Variants in ADGRV1 observed in about 807,000 individuals in gnomAD.
ADGRV1 encodes the protein G-protein coupled receptor 98.
Under a neutral mutation model 596.2 loss-of-function variants are expected in ADGRV1, and 359 were observed. That is an observed-to-expected ratio of 0.60 (90% CI 0.55 to 0.66). The LOEUF (loss-of-function observed/expected upper bound fraction) is 0.66, where lower values mean the gene tolerates loss of function less well. Ranked by LOEUF, ADGRV1 falls within the 30% of genes least tolerant of loss-of-function variation. The pLI, the probability that ADGRV1 is intolerant of heterozygous loss-of-function variation, is 0.00. For missense variants in ADGRV1, 7,274 were observed against 7,575.6 expected (o/e 0.96, Z 1.48); for synonymous variants, 2,681 against 2,679.2 (o/e 1.00, Z -0.02).
chr5:90,618,544 A>G (rs1763655946), intron 3 of ADGRV1, among the ~76,000 whole-genome samples: 1 of 152,126 alleles, frequency 6.6e-6, no homozygotes, highest in Non-Finnish European at 1.5e-5. Flanking sequence ...TGAAACAGTT[A>G]TGTTTTGCTC....
intron 19 of ADGRV1, among the ~76,000 whole-genome samples, 192 bp downstream of exon 19, chr5:90,652,755 T>C (rs1049783633): frequency 2.0e-5 from 3 of 152,138 alleles, no homozygotes; most frequent in Non-Finnish European, 4.4e-5. Context: ...TTTTTTGATA[T>C]CTTAGTTTGG....
At chr5:90,828,565 T>G (rs1177737571) in intron 76 of ADGRV1, among the ~76,000 whole-genome samples, 2 of 152,150 alleles carry the variant, frequency 1.3e-5, no homozygotes, top group Non-Finnish European at 2.9e-5. Flanking sequence ...TTTCACTTAC[T>G]GTCATATTTT....
chr5:90,739,824 T>G (rs1176579023), intron 50 of ADGRV1, among the ~76,000 whole-genome samples: 1 of 152,178 alleles, frequency 6.6e-6, no homozygotes, highest in Non-Finnish European at 1.5e-5. Flanking sequence ...TAGATATGCA[T>G]GGACATGGGC....
At chr5:90,836,265 A>G (rs868086374) in intron 77 of ADGRV1, among the ~76,000 whole-genome samples, 1 of 152,350 alleles carries the variant, frequency 6.6e-6, no homozygotes, top group Middle Eastern at 3.4e-3. Context: ...TTATGTTCAC[A>G]CAAAAACTTG....
At position 90,687,208 on chromosome 5, in the gene ADGRV1, T is replaced by G. The variant is rs978924445; in HGVS notation, c.6490+1213T>G. ...TTACTTTTGCTGTGCAGAAGCTCTT[T>G]AGTTTAATTAGATCCCATTTGTCAA... On this transcript the variant is annotated intron_variant, in intron 29 of 89. Transcript: ENST00000405460. Among the ~76,000 whole-genome samples, 6 of 152,204 alleles carry G rather than the reference T, an allele frequency of 3.9e-5. No individual in the cohort carries two copies. In the South Asian group the frequency reaches 6.2e-4, roughly 16 times the overall value.
chr5:91,077,329 C>G (rs1224080314), intron 86 of ADGRV1, among the ~76,000 whole-genome samples: 1 of 152,154 alleles, frequency 6.6e-6, no homozygotes, highest in Non-Finnish European at 1.5e-5. Context: ...TAGAACTGAG[C>G]TCCAAGCTAA....
rs756062421 is a variant in ADGRV1 at position 90,681,327 on chromosome 5, T to C, written c.5537T>C (p.Val1846Ala). The C allele has an allele frequency of 2.7e-5, 43 of 1,613,672 alleles. No individual in the cohort carries two copies. The highest frequency in any genetic ancestry group is 2.0e-4 in the Admixed American group (12 of 59,984). The change falls in exon 27 of 90, where the codon GTG becomes GCG. Residue 1846 changes from valine to alanine, a missense_variant. Physicochemically the swap from Val to Ala is moderately conservative, Grantham distance 64. This residue lies in a region of ADGRV1 where 3,643 missense variants were observed against 3,809.2 expected (regional missense o/e 0.96). Coordinates refer to ENST00000405460, the MANE Select transcript of ADGRV1 (RefSeq NM_032119.4). ...PTIHKRASLG[V>A]ASQILVTIAA... ...CTTGTTCATGCAGCCAGTCTAGGAG[T>C]GGCTTCCCAAATTCTAGTGACAATT...
chr5:90,757,170 G>A lies in ADGRV1; in HGVS notation c.11940+9G>A, dbSNP rs201710675. On this transcript the variant is annotated intron_variant, in intron 57 of 89. Coordinates refer to ENST00000405460, the MANE Select transcript of ADGRV1 (RefSeq NM_032119.4). ...AATTTGCAGATAAACAGGTATGCCA[G>A]TCATTAACATATTAGCCTTTTTGAG... 1.2e-6 allele frequency: 2 copies of A among 1,612,170 alleles called. No individual in the cohort carries two copies. The highest frequency in any genetic ancestry group is 2.7e-5 in the African/African-American group (2 of 75,026).
intron 87 of ADGRV1, among the ~76,000 whole-genome samples, chr5:91,126,732 C>T (rs950504805): frequency 1.3e-5 from 2 of 152,158 alleles, no homozygotes; most frequent in Admixed American, 6.5e-5. Context: ...CAAGTTATGA[C>T]TTAATCTATG....
At chr5:91,108,286 A>G (rs1404420952) in intron 87 of ADGRV1, among the ~76,000 whole-genome samples, 1 of 152,196 alleles carries the variant, frequency 6.6e-6, no homozygotes, top group Non-Finnish European at 1.5e-5. Flanking sequence ...AGTATGTTCC[A>G]TAAACACTTG....
At chr5:90,618,145 A>G (rs1227655238) in intron 3 of ADGRV1, among the ~76,000 whole-genome samples, 192 bp downstream of exon 3, 1 of 152,174 alleles carries the variant, frequency 6.6e-6, no homozygotes, top group East Asian at 1.9e-4. Context: ...TCTTGTTCAG[A>G]AACTCTGCAG....
chr5:91,002,318 C>T (rs776606302), intron 85 of ADGRV1, among the ~76,000 whole-genome samples: 2 of 152,064 alleles, frequency 1.3e-5, no homozygotes, highest in African/African-American at 2.4e-5. Context: ...TCATAATAAT[C>T]GTGTTTTTTA....
At chr5:91,110,928 G>A (rs1792310134) in intron 87 of ADGRV1, among the ~76,000 whole-genome samples, 3 of 152,140 alleles carry the variant, frequency 2.0e-5, no homozygotes, top group Non-Finnish European at 2.9e-5. Context: ...ATCTGGTCTC[G>A]AGATGTTCCC....
At chr5:90,644,607 G>C in intron 14 of ADGRV1, 99 bp from the exon 15 acceptor site, 2 of 862,406 alleles carry the variant, frequency 2.3e-6, no homozygotes, top group South Asian at 1.6e-5. Flanking sequence ...TTAAAAAGAG[G>C]TGTTGTTTTT....
chr5:90,595,869 G>A (rs1202624285), intron 1 of ADGRV1, among the ~76,000 whole-genome samples: 4 of 150,450 alleles, frequency 2.7e-5, no homozygotes, highest in South Asian at 4.2e-4. Flanking sequence ...CGGACGGGGC[G>A]GCTGGCCTGG....
At chr5:90,819,132 GT>G (rs1763217551) in intron 75 of ADGRV1, among the ~76,000 whole-genome samples, 1 of 151,848 alleles carries the variant, frequency 6.6e-6, no homozygotes, top group Admixed American at 6.5e-5. Context: ...CTTCTTTGTG[GT>G]TTAGTCTTGG....
intron 79 of ADGRV1, 92 bp downstream of exon 79, chr5:90,848,913 T>C: frequency 4.5e-6 from 4 of 883,270 alleles, no homozygotes; most frequent in Non-Finnish European, 6.8e-6. Context: ...ATTTAGATGA[T>C]GTAACTAAGA....
chr5:91,016,661 C>T (rs556271573), intron 85 of ADGRV1, among the ~76,000 whole-genome samples: 1 of 151,842 alleles, frequency 6.6e-6, no homozygotes. Flanking sequence ...ATGACGCTCA[C>T]CTGCTCCAGC....
chr5:90,808,584 C>T (rs1055583407), intron 73 of ADGRV1, among the ~76,000 whole-genome samples: 38 of 152,200 alleles, frequency 2.5e-4, no homozygotes, highest in Non-Finnish European at 5.9e-5. Flanking sequence ...TTAACAGCAA[C>T]AATAGTTATT....
Sources: allele counts gnomAD v4.1 joint callset (sites outside exome capture counted in the v4.1 genomes callset), GRCh38; gene constraint gnomAD v4.1.1; regional missense constraint gnomAD v4.1.1; transcripts MANE v1.5; gene names NCBI Gene and HGNC (gene_info 2026-07-23, HGNC 2026-07-21).